The following COMMD10 variants were observed in gnomAD, a reference collection of about 807,000 sequenced individuals.
COMMD10 encodes the protein COMM domain containing 10.
Under a neutral mutation model 28.9 loss-of-function variants are expected in COMMD10, and 33 were observed. That is an observed-to-expected ratio of 1.14 (90% CI 0.87 to 1.53). COMMD10 has a LOEUF of 1.53. COMMD10 is among the 40% of genes most tolerant of loss of function. COMMD10 has a pLI of 0.00. For missense variants in COMMD10, 310 were observed against 233.4 expected, an observed-to-expected ratio of 1.33 and a Z score of -2.14; for synonymous variants, 110 against 81.7, an observed-to-expected ratio of 1.35 and a Z score of -1.87.
intron 5 of COMMD10, among the ~76,000 whole-genome samples, chr5:116,239,862 A>G (rs1749768188): frequency 6.6e-6 from 1 of 152,170 alleles, no homozygotes; most frequent in South Asian, 2.1e-4. Flanking sequence ...TAAATGATTG[A>G]CAAGGCAGAA....
chr5:116,162,406 T>G (rs1309428767), intron 5 of COMMD10, among the ~76,000 whole-genome samples: 1 of 152,124 alleles, frequency 6.6e-6, no homozygotes. Context: ...GTACAATAAT[T>G]TATAGATAGC....
intron 5 of COMMD10, among the ~76,000 whole-genome samples, chr5:116,224,695 C>T (rs1458702537): frequency 6.6e-6 from 1 of 152,164 alleles, no homozygotes; most frequent in African/African-American, 2.4e-5. Context: ...TCCCTCTAGG[C>T]CCACCTCCAG....
At chr5:116,088,695 T>C (rs1215272772) in intron 2 of COMMD10, among the ~76,000 whole-genome samples, 3 of 152,238 alleles carry the variant, frequency 2.0e-5, no homozygotes, top group South Asian at 2.1e-4. Context: ...CCCTTGCCTA[T>C]AAATGTCCTT....
At chr5:116,157,367 G>C (rs1752750626) in intron 5 of COMMD10, among the ~76,000 whole-genome samples, 1 of 152,210 alleles carries the variant, frequency 6.6e-6, no homozygotes, top group Admixed American at 6.6e-5. Context: ...GGGCAAGGCA[G>C]TTGGCTGGCT....
intron 4 of COMMD10, among the ~76,000 whole-genome samples, chr5:116,094,478 AC>A (rs1750404665): frequency 6.6e-6 from 1 of 152,192 alleles, no homozygotes; most frequent in Non-Finnish European, 1.5e-5. Context: ...ATATCATCTT[AC>A]CCCAGTTAGA....
chr5:116,102,158 C>T lies in COMMD10; in HGVS notation c.399+9458C>T, dbSNP rs552883132. ...TTAGAACAAGGTCCAAAAGAGTTTT[C>T]GCTAGGTTTCTTCTAGTATTTTAAA... On this transcript the variant is annotated intron_variant, in intron 4 of 6. Transcript: ENST00000274458. 6.6e-5 allele frequency among the ~76,000 whole-genome samples: 10 copies of T among 152,232 alleles called. No individual in the cohort carries two copies. The East Asian group carries it at 1.3e-3, about 21-fold the overall frequency.
intron 5 of COMMD10, among the ~76,000 whole-genome samples, chr5:116,284,792 C>G (rs1006927139): frequency 6.6e-6 from 1 of 151,764 alleles, no homozygotes; most frequent in African/African-American, 2.4e-5. Flanking sequence ...TGAGTTGACT[C>G]ATAGGCCAGA....
At chr5:116,276,731 A>G (rs1046192758) in intron 5 of COMMD10, among the ~76,000 whole-genome samples, 4 of 151,772 alleles carry the variant, frequency 2.6e-5, no homozygotes, top group Non-Finnish European at 5.9e-5. Context: ...TCTCAAAAAT[A>G]TTATATTAAA....
chr5:116,273,961 G>C (rs1432793927), intron 5 of COMMD10, among the ~76,000 whole-genome samples: 1 of 151,548 alleles, frequency 6.6e-6, no homozygotes, highest in Non-Finnish European at 1.5e-5. Context: ...GAGAACTTTA[G>C]ATGATATCAG....
intron 5 of COMMD10, among the ~76,000 whole-genome samples, chr5:116,280,321 G>A (rs1007757575): frequency 2.6e-5 from 4 of 151,866 alleles, no homozygotes; most frequent in African/African-American, 9.7e-5. Flanking sequence ...TGCCTAGGAT[G>A]CTTTGCTTGC....
At chr5:116,282,748 C>G (rs1426595378) in intron 5 of COMMD10, among the ~76,000 whole-genome samples, 4 of 151,874 alleles carry the variant, frequency 2.6e-5, no homozygotes, top group Admixed American at 6.6e-5. Flanking sequence ...GTATCCTTGT[C>G]TCTTATTAGG....
At chr5:116,174,817 A>T (rs535147643) in intron 5 of COMMD10, among the ~76,000 whole-genome samples, 1 of 152,292 alleles carries the variant, frequency 6.6e-6, no homozygotes, top group East Asian at 1.9e-4. Flanking sequence ...AATCAAAGCT[A>T]ACAGTTGTCC....
At chr5:116,141,046 G>T (rs1408036432) in intron 5 of COMMD10, among the ~76,000 whole-genome samples, 1 of 151,766 alleles carries the variant, frequency 6.6e-6, no homozygotes, top group Non-Finnish European at 1.5e-5. Context: ...CTTTCTTCTA[G>T]GAGTTTTATG....
intron 4 of COMMD10, among the ~76,000 whole-genome samples, chr5:116,123,393 C>A (rs1751509363): frequency 6.6e-6 from 1 of 152,268 alleles, no homozygotes; most frequent in South Asian, 2.1e-4. Context: ...GTATGTTGAA[C>A]CAGCCTTGTA....
At chr5:116,128,724 C>G (rs1490113843) in intron 4 of COMMD10, among the ~76,000 whole-genome samples, 1 of 151,914 alleles carries the variant, frequency 6.6e-6, no homozygotes, top group Admixed American at 6.6e-5. Context: ...AGAATATATT[C>G]TAAACAATGT....
At chr5:116,248,101 T>G (rs1395347021) in intron 5 of COMMD10, among the ~76,000 whole-genome samples, 1 of 151,416 alleles carries the variant, frequency 6.6e-6, no homozygotes, top group Non-Finnish European at 1.5e-5. Context: ...ATACCACTTT[T>G]ACTGCTGTGA....
chr5:116,107,744 T>C lies in COMMD10; in HGVS notation c.399+15044T>C, dbSNP rs1296402185. 2.7e-5 allele frequency among the ~76,000 whole-genome samples: 4 copies of C among 149,156 alleles called. No homozygotes were observed. The East Asian group carries it at 8.0e-4, about 30-fold the overall frequency. ...CTTGCTGGCGAGGAGTTGTGATCCT[T>C]TGGAGGAGAAGAGCTGTTCTGGTTT... On this transcript the variant is annotated intron_variant, in intron 4 of 6. Transcript: ENST00000274458.
intron 5 of COMMD10, among the ~76,000 whole-genome samples, chr5:116,271,999 C>T (rs988277889): frequency 4.0e-5 from 6 of 151,744 alleles, no homozygotes; most frequent in African/African-American, 1.2e-4. Context: ...TAACCTGTTC[C>T]CATGTTGTAT....
chr5:116,155,264 T>G (rs1752669232), intron 5 of COMMD10, among the ~76,000 whole-genome samples: 1 of 152,170 alleles, frequency 6.6e-6, no homozygotes. Context: ...AAGTGAATCA[T>G]AGTTAAATTC....
Sources: allele counts gnomAD v4.1 joint callset (sites outside exome capture counted in the v4.1 genomes callset), GRCh38; gene constraint gnomAD v4.1.1; transcripts MANE v1.5; gene names NCBI Gene and HGNC (gene_info 2026-07-23, HGNC 2026-07-21).